PCSK1: variants seen among roughly 807,000 people sequenced by gnomAD.
PCSK1 encodes the protein proprotein convertase subtilisin/kexin type 1.
In PCSK1, 56 loss-of-function variants were observed where a neutral mutation model predicts 90.6. The observed-to-expected ratio is 0.62, with a 90% CI of 0.50 to 0.77. The LOEUF is 0.77. Among genes scored for constraint, PCSK1 ranks in the 30% least tolerant of loss-of-function variants. The pLI, the probability that PCSK1 is intolerant of heterozygous loss-of-function variation, is 0.00. For synonymous variants in PCSK1, 348 were observed against 342.4 expected (o/e 1.02, Z -0.18); for missense variants, 801 against 932.6 (o/e 0.86, Z 1.84).
rs773096468 is a variant in PCSK1 at position 96,423,461 on chromosome 5, TG to T, written c.397-3del. 78 of 1,614,016 alleles carry T rather than the reference TG, an allele frequency of 4.8e-5. No individual in the cohort carries two copies. Among genetic ancestry groups the T allele is most frequent in the Non-Finnish European group, 6.4e-5 (75 of 1,179,872 alleles). On this transcript the variant is annotated splice_polypyrimidine_tract_variant and splice_region_variant and intron_variant, in intron 3 of 13. Transcript: ENST00000311106. ...GGCTGCCGTCATCCTGGTATCTTGC[TG>T]GTAAAGAAAAACAACGAAGCATTGA...
chr5:96,405,407 A>C (rs1395200577), intron 9 of PCSK1, among the ~76,000 whole-genome samples: 1 of 152,148 alleles, frequency 6.6e-6, no homozygotes, highest in East Asian at 1.9e-4. Flanking sequence ...AACCCATCTG[A>C]GTGTTTCACA....
Position 96,416,763 on chromosome 5 carries a change from A to G in PCSK1, c.621-642T>C, listed in dbSNP as rs370127785. On this transcript the variant is annotated intron_variant, in intron 5 of 13. Transcript: ENST00000311106. ...AAGCCAAGATGCTCCTGAAATCCCAACTGGGGCCAGAAGCCTGAACATGAT... is the reference window on the plus strand; with the variant it reads ...AAGCCAAGATGCTCCTGAAATCCCAGCTGGGGCCAGAAGCCTGAACATGAT... Among the ~76,000 whole-genome samples, 12 of 152,330 alleles carry G rather than the reference A, an allele frequency of 7.9e-5. 2 individuals are homozygous for G. Among genetic ancestry groups the G allele is most frequent in the African/African-American group, 2.6e-4 (11 of 41,572 alleles).
At chr5:96,426,180 A>G (rs1761300922) in intron 2 of PCSK1, among the ~76,000 whole-genome samples, 1 of 152,120 alleles carries the variant, frequency 6.6e-6, no homozygotes, top group Non-Finnish European at 1.5e-5. Flanking sequence ...AATTCCCTAA[A>G]TTATTTACAT....
rs953174132 is a variant in PCSK1 at position 96,408,098 on chromosome 5, G to A, written c.1196+125C>T. 321 of 718,936 alleles carry A rather than the reference G, an allele frequency of 4.5e-4. 1 individual carries two copies. The highest frequency in any genetic ancestry group is 7.3e-4 in the Non-Finnish European group (290 of 399,102). The allele number at this position is 718,936 out of a possible 1,614,324, so 44.5% of individuals were successfully genotyped here. A position where few individuals can be genotyped will look rare whatever the true frequency, so the allele number is the denominator to read the frequency against. On this transcript the variant is annotated intron_variant, in intron 9 of 13. Transcript: ENST00000311106. ...TTAGTGACCTCGAAGTGGCAGGAAA[G>A]AGCTTATCTTTATTTGCAGTATTCC...
chr5:96,393,222 G>A lies in PCSK1; in HGVS notation c.2041C>T (p.Pro681Ser). The A allele has an allele frequency of 6.2e-7, 1 of 1,614,050 alleles. No homozygotes were observed. The highest frequency in any genetic ancestry group is 8.5e-7 in the Non-Finnish European group (1 of 1,179,994). ...GGGGACTTCTTTGGTGATTGCTTTG[G>A]CGGTGAGTTTTTACTGAAAGCACTT... is the stretch of plus-strand genomic sequence containing the variant. Reference protein sequence around the residue: ...LQSAFSKNSPPKQSPKKSPSA... With the variant: ...LQSAFSKNSPSKQSPKKSPSA... Residue 681 changes from proline (P) to serine (S), a missense_variant, in exon 14 of 14, where the codon CCA becomes TCA. Coordinates refer to ENST00000311106, the MANE Select transcript of PCSK1 (RefSeq NM_000439.5).
chr5:96,415,187 T>C (rs1479281807), intron 6 of PCSK1, among the ~76,000 whole-genome samples: 2 of 152,226 alleles, frequency 1.3e-5, no homozygotes, highest in East Asian at 3.9e-4. Flanking sequence ...CATTAGAACA[T>C]GGACTGCATC....
In PCSK1 at chr5:96,390,419, T is replaced by C. The variant is rs1470735979; in HGVS notation, c.*2582A>G. On this transcript the variant is annotated 3_prime_UTR_variant, in exon 14 of 14. Coordinates refer to ENST00000311106, the MANE Select transcript of PCSK1 (RefSeq NM_000439.5). ...ATTTATAAGCATATTTTACATATTCTGGTCAATACATCAAATGTATAATGT... is the reference window on the plus strand; with the variant it reads ...ATTTATAAGCATATTTTACATATTCCGGTCAATACATCAAATGTATAATGT... 7 of 152,266 alleles carry C rather than the reference T, an allele frequency of 4.6e-5. No individual in the cohort carries two copies. Among genetic ancestry groups the C allele is most frequent in the Non-Finnish European group, 1.0e-4 (7 of 68,042 alleles). 9.4% of individuals were successfully genotyped at this position (152,266 alleles called of 1,614,324 possible).
chr5:96,418,268 G>A lies in PCSK1; in HGVS notation c.621-2147C>T, dbSNP rs112511008. Among the ~76,000 whole-genome samples the A allele has an allele frequency of 3.5e-3, 530 of 152,274 alleles. 2 individuals carry two copies. The highest frequency in any genetic ancestry group is 0.012 in the African/African-American group (511 of 41,558). On this transcript the variant is annotated intron_variant, in intron 5 of 13. Coordinates refer to ENST00000311106, the MANE Select transcript of PCSK1 (RefSeq NM_000439.5). Reference sequence around the variant, plus strand: ...CAGCTCTTTTTCTTTTCTAAGTGAGGTGCTGCAGTAAAGAACTTTCTATTA... The same window carrying A: ...CAGCTCTTTTTCTTTTCTAAGTGAGATGCTGCAGTAAAGAACTTTCTATTA...
At position 96,424,062 on chromosome 5, in the gene PCSK1, TAGTC is replaced by T. The variant is rs148006263; in HGVS notation, c.397-607_397-604del. On this transcript the variant is annotated intron_variant, in intron 3 of 13. Transcript: ENST00000311106. ...TTTCCTTTTAAAATACATTTTCTGA[TAGTC>T]AGAGTGTGGGACTGTACAGGAGATA... Among the ~76,000 whole-genome samples the T allele has an allele frequency of 9.7e-3, 1,479 of 152,278 alleles. 27 individuals carry two copies. Among genetic ancestry groups the T allele is most frequent in the African/African-American group, 0.034 (1,424 of 41,542 alleles).
intron 9 of PCSK1, among the ~76,000 whole-genome samples, chr5:96,402,082 A>G (rs1760396194): frequency 6.6e-6 from 1 of 152,198 alleles, no homozygotes; most frequent in Non-Finnish European, 1.5e-5. Context: ...AACAATCATC[A>G]GGGGAGTCTG....
chr5:96,416,577 G>T (rs1760944258), intron 5 of PCSK1, among the ~76,000 whole-genome samples: 1 of 152,142 alleles, frequency 6.6e-6, no homozygotes, highest in South Asian at 2.1e-4. Context: ...GACTGCCTTG[G>T]ATTAGATTAT....
At chr5:96,405,305 T>A (rs1184228895) in intron 9 of PCSK1, among the ~76,000 whole-genome samples, 1 of 152,198 alleles carries the variant, frequency 6.6e-6, no homozygotes, top group Admixed American at 6.5e-5. Flanking sequence ...GAGAATCTGG[T>A]GAAACCTATA....
At position 96,400,053 on chromosome 5, in the gene PCSK1, G is replaced by A. The variant is rs1364388070; in HGVS notation, c.1330C>T (p.Leu444=). The change falls in exon 10 of 14, where the codon CTA becomes TTA. Residue 444 remains leucine, a synonymous_variant. Coordinates refer to ENST00000311106, the MANE Select transcript of PCSK1 (RefSeq NM_000439.5). ...MVNSRFGFGL[L]NAKALVDLAD... ...AAATCCACCAGAGCTTTGGCATTTA[G>A]CAAGCCAAATCCAAATCGACTATTC... 3 of 1,614,028 alleles carry A rather than the reference G, an allele frequency of 1.9e-6. No individual in the cohort carries two copies. The highest frequency in any genetic ancestry group is 2.5e-6 in the Non-Finnish European group (3 of 1,180,006).
intron 5 of PCSK1, among the ~76,000 whole-genome samples, chr5:96,418,693 T>C (rs75794989): frequency 0.025 from 3,750 of 152,300 alleles, 152 homozygotes; most frequent in African/African-American, 0.086. Flanking sequence ...ATTCATTTTC[T>C]AAACCTAAGG....
At chr5:96,411,107 T>A (rs1275599960) in intron 7 of PCSK1, 121 bp from the exon 8 acceptor site, 1 of 798,706 alleles carries the variant, frequency 1.3e-6, no homozygotes, top group Admixed American at 1.9e-5. Context: ...TTGGGATCTA[T>A]TTTCAATTCC....
intron 12 of PCSK1, 103 bp from the exon 13 acceptor site, chr5:96,395,128 A>C (rs756930582): frequency 4.1e-6 from 4 of 973,010 alleles, no homozygotes; most frequent in Non-Finnish European, 6.5e-6. Flanking sequence ...TCTCATTTTA[A>C]GATTCTGTGC....
Position 96,390,766 on chromosome 5 carries a change from C to CA in PCSK1, c.*2234dup, listed in dbSNP as rs1182410100. 6.6e-6 allele frequency: 1 copy of CA among 152,494 alleles called. No individual in the cohort carries two copies. 9.4% of individuals were successfully genotyped at this position (152,494 alleles called of 1,614,324 possible). On this transcript the variant is annotated 3_prime_UTR_variant, in exon 14 of 14. Coordinates refer to ENST00000311106, the MANE Select transcript of PCSK1 (RefSeq NM_000439.5). The stretch of plus-strand genomic sequence containing the variant: ...ATAAGTTTTCTCTTTGACATTTTCA[C>CA]AAAAATCCACACAGGCACTAAGAAA...
At chr5:96,421,417 C>T (rs1761125526) in intron 5 of PCSK1, among the ~76,000 whole-genome samples, 2 of 152,206 alleles carry the variant, frequency 1.3e-5, no homozygotes, top group South Asian at 4.1e-4. Context: ...GGAGTTTGGC[C>T]ATGCTCTTCT....
At chr5:96,417,620 A>T (rs1274952786) in intron 5 of PCSK1, among the ~76,000 whole-genome samples, 2 of 152,096 alleles carry the variant, frequency 1.3e-5, no homozygotes, top group African/African-American at 4.8e-5. Context: ...AGAGATGGAA[A>T]CAGAGTGCTT....
Sources: allele counts gnomAD v4.1 joint callset (sites outside exome capture counted in the v4.1 genomes callset), GRCh38; gene constraint gnomAD v4.1.1; transcripts MANE v1.5; gene names NCBI Gene and HGNC (gene_info 2026-07-23, HGNC 2026-07-21).